The following NPEPPS variants were observed in gnomAD, a reference collection of about 807,000 sequenced individuals.
The protein encoded by NPEPPS is puromycin-sensitive aminopeptidase.
Under a neutral mutation model 115.5 loss-of-function variants are expected in NPEPPS, and 14 were observed. That is an observed-to-expected ratio of 0.12 (90% CI 0.08 to 0.19). The LOEUF (loss-of-function observed/expected upper bound fraction) is 0.19, where lower values mean the gene tolerates loss of function less well. NPEPPS is among the 10% of genes least tolerant of loss of function. The pLI, the probability that NPEPPS is intolerant of heterozygous loss-of-function variation, is 1.00. For missense variants in NPEPPS, 523 were observed against 1,110.8 expected (o/e 0.47, Z 7.52); for synonymous variants, 285 against 390.6 (o/e 0.73, Z 3.19).
At chr17:47,593,085 A>G (rs913671955) in intron 12 of NPEPPS, among the ~76,000 whole-genome samples, 1 of 152,226 alleles carries the variant, frequency 6.6e-6, no homozygotes, top group Non-Finnish European at 1.5e-5. Context: ...TCAGCTAGTA[A>G]GTATAATGCA....
At chr17:47,543,310 AAAATTTTTTTTTTTTTT>A (rs901366741) in intron 1 of NPEPPS, among the ~76,000 whole-genome samples, 5 of 115,138 alleles carry the variant, frequency 4.3e-5, no homozygotes, top group South Asian at 3.2e-4. Context: ...TATCAGTAAA[AAAATTTTTTTTTTTTTT>A]AAATTTTTGA....
chr17:47,529,233 T>C (rs1233208692), upstream of NPEPPS, among the ~76,000 whole-genome samples: 1 of 152,042 alleles, frequency 6.6e-6, no homozygotes, highest in Non-Finnish European at 1.5e-5. Context: ...TTTTTAAAAT[T>C]GTTATTTCAT....
intron 15 of NPEPPS, among the ~76,000 whole-genome samples, chr17:47,602,974 G>T (rs1480212763): frequency 2.6e-5 from 4 of 152,102 alleles, no homozygotes; most frequent in Non-Finnish European, 5.9e-5. Flanking sequence ...AATCAATAAA[G>T]TGATAGTTGC....
chr17:47,591,026 G>C lies in NPEPPS; in HGVS notation c.1260+145G>C. ...TGGTTCATATTTCTAGTCTTGAAAA[G>C]CTAGTAAGTCTAAGTTCTAATTAAC... On this transcript the variant is annotated intron_variant, in intron 10 of 22. Coordinates refer to ENST00000322157, the MANE Select transcript of NPEPPS (RefSeq NM_006310.4). 3 of 1,317,824 alleles carry C rather than the reference G, an allele frequency of 2.3e-6. No individual in the cohort carries two copies. The South Asian group carries it at 5.0e-5, about 22-fold the overall frequency. The allele number at this position is 1,317,824 out of a possible 1,614,324, so 81.6% of individuals were successfully genotyped here.
chr17:47,540,433 A>G (rs1877035581), intron 1 of NPEPPS, among the ~76,000 whole-genome samples: 1 of 152,208 alleles, frequency 6.6e-6, no homozygotes, highest in Non-Finnish European at 1.5e-5. Context: ...ATTTACTAAC[A>G]TGAAGGTGTC....
At chr17:47,576,384 C>T (rs1911524192) in intron 3 of NPEPPS, among the ~76,000 whole-genome samples, 1 of 152,070 alleles carries the variant, frequency 6.6e-6, no homozygotes, top group Admixed American at 6.6e-5. Context: ...TCCAGCTAAT[C>T]AGGAGGCTGA....
Position 47,585,106 on chromosome 17 carries a change from C to T in NPEPPS, c.649-394C>T, listed in dbSNP as rs191078660. On this transcript the variant is annotated intron_variant, in intron 5 of 22. Transcript: ENST00000322157. The stretch of plus-strand genomic sequence containing the variant: ...CCTCCCAAAGTGCTGGTATTACAGG[C>T]GTGAGCCACCGCGCCTAGCCCCTAT... Among the ~76,000 whole-genome samples, 199 of 152,278 alleles carry T rather than the reference C, an allele frequency of 1.3e-3. 1 individual carries two copies. The highest frequency in any genetic ancestry group is 4.5e-3 in the African/African-American group (187 of 41,580).
chr17:47,542,060 T>C (rs1908805921), intron 1 of NPEPPS, among the ~76,000 whole-genome samples: 2 of 152,218 alleles, frequency 1.3e-5, no homozygotes, highest in Non-Finnish European at 2.9e-5. Flanking sequence ...TATACAGGTC[T>C]TTCATGCAGA....
chr17:47,529,941 TATTTA>T (rs1201397708), upstream of NPEPPS, among the ~76,000 whole-genome samples: 18 of 128,914 alleles, frequency 1.4e-4, 3 homozygotes, highest in Admixed American at 1.7e-4. Flanking sequence ...TTTATTTATT[TATTTA>T]TTTATTTTGA....
At position 47,531,497 on chromosome 17, in the gene NPEPPS, G is replaced by C. The variant is rs1292264560; in HGVS notation, c.197G>C (p.Cys66Ser). ...GTCTCCCCCATCAACTACAGCCTTT[G>C]CCTCAAGCCCGACTTGCTGGACTTC... Reference protein sequence around the residue: ...ADVSPINYSLCLKPDLLDFTF... With the variant: ...ADVSPINYSLSLKPDLLDFTF... Residue 66 changes from cysteine to serine, a missense_variant, in exon 1 of 23, where the codon TGC becomes TCC. By Grantham distance (112) the Cys-to-Ser change is moderately radical. Transcript: ENST00000322157. 1 of 1,608,724 alleles carries C rather than the reference G, an allele frequency of 6.2e-7. No homozygotes were observed. The highest frequency in any genetic ancestry group is 1.3e-5 in the African/African-American group (1 of 74,748).
At chr17:47,591,193 G>C (rs546806405) in intron 10 of NPEPPS, among the ~76,000 whole-genome samples, 1 of 152,046 alleles carries the variant, frequency 6.6e-6, no homozygotes, top group South Asian at 2.1e-4. Context: ...CCAATATGGA[G>C]AAACCCCGTC....
rs762449893 is a variant in NPEPPS at position 47,619,127 on chromosome 17, G to A, written c.2522G>A (p.Arg841Gln). ...IKDNWEELYNRYQGGFLISRL... is the reference protein window; with the variant it reads ...IKDNWEELYNQYQGGFLISRL... ...GACAACTGGGAAGAACTTTATAACC[G>A]ATACCAGGGAGGATTCTTAATATCC... is the stretch of plus-strand genomic sequence containing the variant. Residue 841 changes from arginine (R) to glutamine (Q), a missense_variant, in exon 21 of 23, where the codon CGA (arginine) becomes CAA (glutamine). Arg to Gln is a conservative substitution (Grantham distance 43). This residue lies in a region of NPEPPS where 372 missense variants were observed against 542.6 expected (regional missense o/e 0.69). Coordinates refer to ENST00000322157, the MANE Select transcript of NPEPPS (RefSeq NM_006310.4). 5 of 1,613,662 alleles carry A rather than the reference G, an allele frequency of 3.1e-6. No individual in the cohort carries two copies. The highest frequency in any genetic ancestry group is 2.2e-5 in the East Asian group (1 of 44,892).
chr17:47,602,082 G>A, intron 15 of NPEPPS: 1 of 251,398 alleles, frequency 4.0e-6, no homozygotes, highest in Non-Finnish European at 7.7e-6. Context: ...TCAATGATGT[G>A]TTGTCACCAT....
intron 19 of NPEPPS, among the ~76,000 whole-genome samples, chr17:47,615,894 TC>T (rs1371187705): frequency 6.6e-6 from 1 of 152,234 alleles, no homozygotes; most frequent in African/African-American, 2.4e-5. Context: ...TCATGGTTCT[TC>T]AAGAAGCCAC....
intron 12 of NPEPPS, chr17:47,595,991 A>AG (rs1210483890): frequency 1.9e-5 from 3 of 161,070 alleles, no homozygotes; most frequent in Non-Finnish European, 4.0e-5. Context: ...CAAAAAAAAA[A>AG]AAAAAAAAAA....
At chr17:47,536,613 T>G (rs1389980195) in intron 1 of NPEPPS, among the ~76,000 whole-genome samples, 1 of 151,668 alleles carries the variant, frequency 6.6e-6, no homozygotes, top group Non-Finnish European at 1.5e-5. Context: ...CAGGCTGGTC[T>G]CGAACTCCCG....
chr17:47,565,401 CG>C (rs773335774), intron 2 of NPEPPS, among the ~76,000 whole-genome samples: 1 of 143,718 alleles, frequency 7.0e-6, no homozygotes, highest in Non-Finnish European at 1.5e-5. Context: ...CCCAGCTACT[CG>C]GGAGGCTGAG....
intron 5 of NPEPPS, among the ~76,000 whole-genome samples, chr17:47,584,019 G>C (rs1912041083): frequency 6.6e-6 from 1 of 151,484 alleles, no homozygotes; most frequent in Admixed American, 6.6e-5. Context: ...CCAGGAGTTC[G>C]AGACCAGCCT....
Position 47,622,217 on chromosome 17 carries a change from T to G in NPEPPS, c.*297T>G. Reference sequence around the variant, plus strand: ...GAAGCCTTGTCAGTGGTTAAAAGTATTTAACACTCTACTGTTAATGACAGA... The same window carrying G: ...GAAGCCTTGTCAGTGGTTAAAAGTAGTTAACACTCTACTGTTAATGACAGA... On this transcript the variant is annotated 3_prime_UTR_variant, in exon 23 of 23. Coordinates refer to ENST00000322157, the MANE Select transcript of NPEPPS (RefSeq NM_006310.4). The G allele has an allele frequency of 2.2e-6, 1 of 444,638 alleles. No homozygotes were observed. The highest frequency in any genetic ancestry group is 7.2e-5 in the South Asian group (1 of 13,816). The allele number at this position is 444,638 out of a possible 1,614,324, so 27.5% of individuals were successfully genotyped here.
Sources: allele counts gnomAD v4.1 joint callset (sites outside exome capture counted in the v4.1 genomes callset), GRCh38; gene constraint gnomAD v4.1.1; regional missense constraint gnomAD v4.1.1; transcripts MANE v1.5; gene names NCBI Gene and HGNC (gene_info 2026-07-23, HGNC 2026-07-21).